The following SAMD4A variants were observed in gnomAD, a reference collection of about 807,000 sequenced individuals.
SAMD4A encodes sterile alpha motif domain containing 4A.
Under a neutral mutation model 81.3 loss-of-function variants are expected in SAMD4A, and 33 were observed. The ratio of observed to expected loss-of-function variants is 0.41; its 90% CI spans 0.31 to 0.54. SAMD4A has a LOEUF of 0.54. Among genes scored for constraint, SAMD4A ranks in the 20% least tolerant of loss-of-function variants. SAMD4A has a pLI of 0.37. For missense variants in SAMD4A, 854 were observed against 951.1 expected, an observed-to-expected ratio of 0.90 and a Z score of 1.34; for synonymous variants, 389 against 382.1, an observed-to-expected ratio of 1.02 and a Z score of -0.21.
chr14:54,734,180 G>T (rs2037632063), intron 3 of SAMD4A, among the ~76,000 whole-genome samples: 1 of 152,194 alleles, frequency 6.6e-6, no homozygotes, highest in South Asian at 2.1e-4. Context: ...CTTCCCACAA[G>T]AATACAAGCC....
intron 2 of SAMD4A, among the ~76,000 whole-genome samples, chr14:54,590,185 AAAAT>A (rs1191474134): frequency 6.6e-6 from 1 of 152,208 alleles, no homozygotes; most frequent in African/African-American, 2.4e-5. Flanking sequence ...TGCTATAAGA[AAAAT>A]AAAGCAGGGG....
At chr14:54,656,231 A>C (rs997369435) in intron 2 of SAMD4A, among the ~76,000 whole-genome samples, 1 of 152,144 alleles carries the variant, frequency 6.6e-6, no homozygotes, top group Non-Finnish European at 1.5e-5. Flanking sequence ...TCATTGTTTC[A>C]GTGGATTTTC....
intron 2 of SAMD4A, among the ~76,000 whole-genome samples, chr14:54,653,725 G>A (rs12586705): frequency 0.44 from 66,445 of 151,868 alleles, 15,200 homozygotes; most frequent in East Asian, 0.78. Flanking sequence ...AGAATTTTAG[G>A]ATTTTTGCAT....
At chr14:54,768,397 A>G (rs780369506) in intron 8 of SAMD4A, among the ~76,000 whole-genome samples, 1 of 152,132 alleles carries the variant, frequency 6.6e-6, no homozygotes, top group Non-Finnish European at 1.5e-5. Context: ...TGAGGGAGAT[A>G]TTATTATCCT....
intron 2 of SAMD4A, among the ~76,000 whole-genome samples, chr14:54,605,329 AT>A (rs1416591697): frequency 1.3e-5 from 2 of 152,158 alleles, no homozygotes; most frequent in African/African-American, 4.8e-5. Context: ...TCAACATTAA[AT>A]GTGATTGAGG....
intron 11 of SAMD4A, among the ~76,000 whole-genome samples, chr14:54,782,639 A>G (rs2039027308): frequency 6.6e-6 from 1 of 152,318 alleles, no homozygotes; most frequent in African/African-American, 2.4e-5. Context: ...ATGCCGGAAC[A>G]TGGGTCAGGA....
At chr14:54,762,453 G>A (rs1019171953) in intron 7 of SAMD4A, among the ~76,000 whole-genome samples, 2 of 152,198 alleles carry the variant, frequency 1.3e-5, no homozygotes, top group Admixed American at 1.3e-4. Flanking sequence ...TGGTGGAGGA[G>A]ATGACTCACA....
intron 3 of SAMD4A, among the ~76,000 whole-genome samples, chr14:54,721,249 A>G (rs1021348738): frequency 6.6e-6 from 1 of 152,210 alleles, no homozygotes; most frequent in Non-Finnish European, 1.5e-5. Flanking sequence ...GTAGATGTTC[A>G]ATAAATGCTT....
intron 3 of SAMD4A, among the ~76,000 whole-genome samples, chr14:54,721,645 A>G (rs1242773740): frequency 6.6e-6 from 1 of 152,224 alleles, no homozygotes; most frequent in African/African-American, 2.4e-5. Context: ...TCACGTTGCC[A>G]CATGGAAGAA....
At chr14:54,768,550 G>C (rs1385816523) in intron 8 of SAMD4A, among the ~76,000 whole-genome samples, 2 of 152,208 alleles carry the variant, frequency 1.3e-5, no homozygotes, top group Admixed American at 6.5e-5. Flanking sequence ...ATGCCCACAT[G>C]TGTCCTCACA....
intron 2 of SAMD4A, among the ~76,000 whole-genome samples, chr14:54,611,548 G>C (rs542709780): frequency 6.6e-6 from 1 of 152,288 alleles, no homozygotes; most frequent in African/African-American, 2.4e-5. Context: ...TGACATACTA[G>C]ACTGTTTCTA....
chr14:54,676,581 C>T (rs138078578), intron 2 of SAMD4A, among the ~76,000 whole-genome samples: 5,980 of 152,088 alleles, frequency 0.039, 402 homozygotes, highest in African/African-American at 0.14. Flanking sequence ...CAGGGTTTCA[C>T]CATGTTGGCA....
At chr14:54,648,288 G>T (rs2035327552) in intron 2 of SAMD4A, among the ~76,000 whole-genome samples, 3 of 152,200 alleles carry the variant, frequency 2.0e-5, no homozygotes, top group Admixed American at 2.0e-4. Context: ...CTGAATAGAG[G>T]CAGGAGGAGG....
intron 5 of SAMD4A, among the ~76,000 whole-genome samples, chr14:54,750,455 A>G (rs1322730157): frequency 6.6e-6 from 1 of 152,232 alleles, no homozygotes; most frequent in Non-Finnish European, 1.5e-5. Context: ...TGCAGTATCT[A>G]TTATCAACAA....
At chr14:54,781,522 T>C (rs1018425638) in intron 11 of SAMD4A, among the ~76,000 whole-genome samples, 1 of 152,236 alleles carries the variant, frequency 6.6e-6, no homozygotes, top group Non-Finnish European at 1.5e-5. Flanking sequence ...TACTGAATAC[T>C]GGAATACTGG....
At chr14:54,583,418 C>CT (rs1445576488) in intron 2 of SAMD4A, among the ~76,000 whole-genome samples, 1 of 152,098 alleles carries the variant, frequency 6.6e-6, no homozygotes, top group African/African-American at 2.4e-5. Flanking sequence ...GCAGGGTGGC[C>CT]TGTAGGAGGT....
chr14:54,656,028 A>G (rs1449751152), intron 2 of SAMD4A, among the ~76,000 whole-genome samples: 3 of 152,238 alleles, frequency 2.0e-5, no homozygotes, highest in African/African-American at 7.2e-5. Context: ...ATGGCAATAA[A>G]TATTAAATAT....
intron 9 of SAMD4A, among the ~76,000 whole-genome samples, chr14:54,771,303 A>G (rs2038699302): frequency 6.6e-6 from 1 of 152,180 alleles, no homozygotes; most frequent in Non-Finnish European, 1.5e-5. Flanking sequence ...AATACATTTA[A>G]TCCTCATGAC....
chr14:54,628,914 G>T (rs990843409), intron 2 of SAMD4A, among the ~76,000 whole-genome samples: 1 of 151,352 alleles, frequency 6.6e-6, no homozygotes, highest in African/African-American at 2.4e-5. Context: ...TGTAGTTTTG[G>T]TTTTTTTTTA....
Sources: allele counts gnomAD v4.1 joint callset (sites outside exome capture counted in the v4.1 genomes callset), GRCh38; gene constraint gnomAD v4.1.1; transcripts MANE v1.5; gene names NCBI Gene and HGNC (gene_info 2026-07-23, HGNC 2026-07-21).